Variants in MATN2 observed in about 807,000 individuals in gnomAD.
MATN2 encodes matrilin-2.
MATN2 carries 69 observed loss-of-function variants against 103.2 expected under a neutral mutation model. That is an observed-to-expected ratio of 0.67 (90% confidence interval 0.55 to 0.82). The LOEUF (loss-of-function observed/expected upper bound fraction) is 0.82, where lower values mean the gene tolerates loss of function less well. Ranked by LOEUF, MATN2 falls within the 40% of genes least tolerant of loss-of-function variation. The pLI, the probability that MATN2 is intolerant of heterozygous loss-of-function variation, is 0.00. For missense variants in MATN2, 1,023 were observed against 1,211.5 expected (o/e 0.84, Z 2.31); for synonymous variants, 429 against 450.2 (o/e 0.95, Z 0.60).
chr8:97,892,855 C>T lies in MATN2; in HGVS notation c.142+4613C>T, dbSNP rs567533491. On this transcript the variant is annotated intron_variant, in intron 2 of 18. Transcript: ENST00000254898. The stretch of plus-strand genomic sequence containing the variant: ...TTCCCCAAACTACACTTGAGAATGG[C>T]TGGTTTAAGAGAATTGTTCCCAGTG... 2.0e-5 allele frequency among the ~76,000 whole-genome samples: 3 copies of T among 152,150 alleles called. No individual in the cohort carries two copies. The South Asian group carries it at 6.2e-4, about 32-fold the overall frequency.
chr8:98,021,057 G>A (rs1332967852), intron 12 of MATN2, 148 bp from the exon 13 acceptor site: 14 of 682,978 alleles, frequency 2.0e-5, no homozygotes, highest in East Asian at 3.2e-5. Context: ...TCCTGAGTAT[G>A]AGACTGCAAA....
At chr8:98,008,958 G>C (rs1250447247) in intron 10 of MATN2, among the ~76,000 whole-genome samples, 2 of 152,076 alleles carry the variant, frequency 1.3e-5, no homozygotes, top group Non-Finnish European at 2.9e-5. Flanking sequence ...CCTCTCCCCT[G>C]CCCAGGTCCA....
intron 13 of MATN2, among the ~76,000 whole-genome samples, chr8:98,026,251 A>AT (rs201197153): frequency 2.4e-4 from 34 of 142,722 alleles, no homozygotes; most frequent in East Asian, 6.2e-4. Context: ...TTTTTTTTTA[A>AT]TTTTGTTTTT....
At chr8:97,964,824 C>G (rs1397647129) in intron 5 of MATN2, among the ~76,000 whole-genome samples, 1 of 152,128 alleles carries the variant, frequency 6.6e-6, no homozygotes, top group African/African-American at 2.4e-5. Flanking sequence ...ACCTCTGTCC[C>G]CCAGGCTCAC....
intron 3 of MATN2, among the ~76,000 whole-genome samples, chr8:97,938,183 G>A (rs937450760): frequency 6.6e-6 from 1 of 152,120 alleles, no homozygotes; most frequent in Non-Finnish European, 1.5e-5. Context: ...CTTAATTATG[G>A]AGAGAGACAG....
chr8:97,930,893 G>A, intron 2 of MATN2, 60 bp from the exon 3 acceptor site: 4 of 1,213,468 alleles, frequency 3.3e-6, no homozygotes, highest in South Asian at 1.5e-5. Context: ...TGGGATTACA[G>A]GTGTGAGCCA....
chr8:97,949,405 C>G (rs773723930), intron 4 of MATN2, among the ~76,000 whole-genome samples: 5 of 152,050 alleles, frequency 3.3e-5, no homozygotes, highest in African/African-American at 4.8e-5. Flanking sequence ...AACTTCTGAA[C>G]TCAGATCATC....
At chr8:97,900,733 AGGCCGTCCT>A (rs1818951105) in intron 2 of MATN2, among the ~76,000 whole-genome samples, 1 of 152,190 alleles carries the variant, frequency 6.6e-6, no homozygotes, top group Non-Finnish European at 1.5e-5. Context: ...CAGGAGATTG[AGGCCGTCCT>A]GGCTAACACG....
chr8:98,019,843 T>C (rs1318818359), intron 12 of MATN2, among the ~76,000 whole-genome samples: 1 of 152,246 alleles, frequency 6.6e-6, no homozygotes, highest in Non-Finnish European at 1.5e-5. Flanking sequence ...TTGAGGTTGA[T>C]TTTTGGGAAT....
intron 2 of MATN2, among the ~76,000 whole-genome samples, chr8:97,903,804 G>A (rs1015278565): frequency 3.9e-5 from 6 of 152,186 alleles, no homozygotes; most frequent in Non-Finnish European, 5.9e-5. Flanking sequence ...AAGAGTAAGT[G>A]AAACCCAAGG....
chr8:97,887,573 T>C (rs1196371413), intron 1 of MATN2, among the ~76,000 whole-genome samples: 1 of 152,240 alleles, frequency 6.6e-6, no homozygotes. Context: ...TAAATGTATG[T>C]GGGAGACAGG....
intron 6 of MATN2, among the ~76,000 whole-genome samples, chr8:97,987,777 T>A (rs1167587661): frequency 6.6e-6 from 1 of 152,100 alleles, no homozygotes; most frequent in Non-Finnish European, 1.5e-5. Flanking sequence ...AACAGGGAAG[T>A]TAACATGTCT....
intron 13 of MATN2, among the ~76,000 whole-genome samples, chr8:98,024,505 AAACAAC>A (rs35489233): frequency 4.0e-5 from 6 of 151,772 alleles, no homozygotes; most frequent in Admixed American, 2.6e-4. Context: ...ATGCCATCTC[AAACAAC>A]AACAACAACA....
Position 97,910,849 on chromosome 8 carries a change from G to T in MATN2, c.143-20104G>T, listed in dbSNP as rs530044527. The stretch of plus-strand genomic sequence containing the variant: ...TGGGGACAGTGGGTTGCTATGAGGA[G>T]TAATGAGTTAGTGCGTGTACAACAT... On this transcript the variant is annotated intron_variant, in intron 2 of 18. Coordinates refer to ENST00000254898, the MANE Select transcript of MATN2 (RefSeq NM_002380.5). Among the ~76,000 whole-genome samples, 8 of 152,278 alleles carry T rather than the reference G, an allele frequency of 5.3e-5. No individual in the cohort carries two copies. In the South Asian group the frequency reaches 1.7e-3, roughly 32 times the overall value.
chr8:97,950,998 A>C (rs1773653273), intron 4 of MATN2: 1 of 152,358 alleles, frequency 6.6e-6, no homozygotes, highest in African/African-American at 2.4e-5. Context: ...GCTCTGGGGC[A>C]GCCCACAGTC....
Position 98,033,052 on chromosome 8 carries a change from A to G in MATN2, c.2592A>G (p.Pro864=), listed in dbSNP as rs544912819. 53 of 1,606,968 alleles carry G rather than the reference A, an allele frequency of 3.3e-5. No individual in the cohort carries two copies. The East Asian group carries it at 9.6e-4, about 29-fold the overall frequency. The change falls in exon 17 of 19, where the codon CCA becomes CCG. Residue 864 remains proline, a synonymous_variant. Transcript: ENST00000254898. ...KTVQQPTESE[P]VTINIQDLLS... ...TCTTTCTCTTTACAGAATCTGAGCC[A>G]GTCACCATAAATATCCAAGACCTAC...
At chr8:97,972,793 T>G (rs1811707407) in intron 5 of MATN2, among the ~76,000 whole-genome samples, 1 of 152,236 alleles carries the variant, frequency 6.6e-6, no homozygotes, top group South Asian at 2.1e-4. Context: ...TTAGCACTTG[T>G]GATCTGGAGG....
chr8:97,891,017 G>T (rs1818609362), intron 2 of MATN2, among the ~76,000 whole-genome samples: 1 of 152,120 alleles, frequency 6.6e-6, no homozygotes, highest in African/African-American at 2.4e-5. Flanking sequence ...CTGTTCACTC[G>T]GCAGCCTGTG....
intron 16 of MATN2, 33 bp downstream of exon 16, chr8:98,032,350 T>C (rs781759354): frequency 1.6e-5 from 24 of 1,542,238 alleles, no homozygotes; most frequent in Non-Finnish European, 2.0e-5. Context: ...TTTAGAAATT[T>C]TGGTGGAGGG....
Sources: gnomAD v4.1 joint callset for allele counts (sites outside exome capture counted in the v4.1 genomes callset) on GRCh38, gnomAD v4.1.1 for gene constraint, MANE v1.5 for transcripts, NCBI Gene and HGNC (gene_info 2026-07-23, HGNC 2026-07-21) for gene names.